The following NUP210L variants were observed in gnomAD, a reference collection of about 807,000 sequenced individuals.
NUP210L encodes the protein nuclear pore membrane glycoprotein 210-like.
In NUP210L, 74 loss-of-function variants were observed where a neutral mutation model predicts 208.5. The observed-to-expected ratio is 0.35, with a 90% CI of 0.29 to 0.43. The LOEUF (loss-of-function observed/expected upper bound fraction) is 0.43. Among genes scored for constraint, NUP210L ranks in the 20% least tolerant of loss-of-function variants. NUP210L has a pLI of 1.00. For synonymous variants in NUP210L, 780 were observed against 816.9 expected (o/e 0.95, Z 0.77); for missense variants, 1,843 against 2,289.4 (o/e 0.81, Z 3.98).
intron 33 of NUP210L, among the ~76,000 whole-genome samples, chr1:154,016,721 A>G (rs1224279331): frequency 2.0e-5 from 3 of 152,224 alleles, no homozygotes; most frequent in Non-Finnish European, 4.4e-5. Context: ...AGGCAGGCCT[A>G]TCACTTGGGC....
chr1:154,053,175 C>T (rs1653621151), intron 25 of NUP210L, among the ~76,000 whole-genome samples: 1 of 152,232 alleles, frequency 6.6e-6, no homozygotes, highest in Non-Finnish European at 1.5e-5. Flanking sequence ...ATCCCAGACA[C>T]ACCTGACCTT....
chr1:154,071,459 G>C (rs1472877985), intron 16 of NUP210L, among the ~76,000 whole-genome samples: 2 of 145,114 alleles, frequency 1.4e-5, no homozygotes, highest in East Asian at 4.1e-4. Flanking sequence ...CCTTTCCCCC[G>C]AGTCCCCAAA....
chr1:153,997,597 G>A (rs578151271), intron 37 of NUP210L, among the ~76,000 whole-genome samples: 31 of 150,956 alleles, frequency 2.1e-4, no homozygotes, highest in South Asian at 1.9e-3. Context: ...TTTCAGAGTA[G>A]CTAGGACTGC....
At chr1:154,100,332 T>A (rs1367648030) in intron 13 of NUP210L, among the ~76,000 whole-genome samples, 189 bp from the exon 14 acceptor site, 1 of 150,888 alleles carries the variant, frequency 6.6e-6, no homozygotes, top group African/African-American at 2.4e-5. Context: ...GCACCTGTAG[T>A]CCCAGTTACT....
chr1:154,031,581 G>A (rs1402213264), intron 27 of NUP210L, among the ~76,000 whole-genome samples: 1 of 117,078 alleles, frequency 8.5e-6, no homozygotes, highest in African/African-American at 3.3e-5. Context: ...CTGTCTCCAT[G>A]AGTTCAATTG....
At chr1:154,114,559 C>G (rs1180994446) in intron 12 of NUP210L, among the ~76,000 whole-genome samples, 1 of 152,076 alleles carries the variant, frequency 6.6e-6, no homozygotes. Flanking sequence ...GTGAATTACG[C>G]TAAATGTATC....
At chr1:154,103,444 G>A (rs1242888087) in intron 13 of NUP210L, among the ~76,000 whole-genome samples, 17 of 150,562 alleles carry the variant, frequency 1.1e-4, no homozygotes, top group African/African-American at 3.7e-4. Context: ...AGGCCGAGGC[G>A]GGCGGATCAC....
At chr1:154,041,290 G>A (rs576238758) in intron 27 of NUP210L, among the ~76,000 whole-genome samples, 2 of 151,988 alleles carry the variant, frequency 1.3e-5, no homozygotes, top group Admixed American at 6.6e-5. Flanking sequence ...TCCTATCCCA[G>A]TTTCTACTGT....
In NUP210L at chr1:154,072,601, G is replaced by T. The variant is rs545999455; in HGVS notation, c.2362-2136C>A. Among the ~76,000 whole-genome samples, 4 of 151,934 alleles carry T rather than the reference G, an allele frequency of 2.6e-5. No individual in the cohort carries two copies. In the South Asian group the frequency reaches 8.3e-4, roughly 32 times the overall value. Reference sequence around the variant, plus strand: ...CCCGCCTTGACCTCCCAAAGTGTTGGGATTACAGGCGTGAGCCACCGCGCC... The same window carrying T: ...CCCGCCTTGACCTCCCAAAGTGTTGTGATTACAGGCGTGAGCCACCGCGCC... On this transcript the variant is annotated intron_variant, in intron 16 of 39. Transcript: ENST00000368559.
chr1:154,103,111 T>C (rs1164309850), intron 13 of NUP210L, among the ~76,000 whole-genome samples: 2 of 150,282 alleles, frequency 1.3e-5, no homozygotes, highest in East Asian at 3.9e-4. Flanking sequence ...AAATAAAAAC[T>C]GGCTGGGCGC....
Position 154,055,145 on chromosome 1 carries a change from T to TTTC in NUP210L, c.3241-314_3241-313insGAA, listed in dbSNP as rs1305550856. Among the ~76,000 whole-genome samples the TTTC allele has an allele frequency of 9.1e-3, 952 of 104,512 alleles. 9 individuals are homozygous for TTTC. The highest frequency in any genetic ancestry group is 0.022 in the East Asian group (85 of 3,862). The allele number at this position is 104,512 out of a possible 152,430, so 68.6% of individuals were successfully genotyped here. ...TTCTTTTCTTTCTTTCTTTCTTTCT[T>TTTC]TCTTTCTTTCTTTCTTTCTTTCTTT... On this transcript the variant is annotated intron_variant, in intron 23 of 39. Coordinates refer to ENST00000368559, the Ensembl canonical transcript of NUP210L.
At chr1:154,053,359 T>C (rs1161714772) in intron 25 of NUP210L, among the ~76,000 whole-genome samples, 1 of 152,234 alleles carries the variant, frequency 6.6e-6, no homozygotes, top group Admixed American at 6.5e-5. Flanking sequence ...CTGAGAGAAG[T>C]AGCTCACCAT....
At chr1:154,129,375 GC>G in intron 7 of NUP210L, 30 bp from the exon 8 acceptor site, 1 of 1,439,000 alleles carries the variant, frequency 6.9e-7, no homozygotes, top group Non-Finnish European at 9.7e-7. Context: ...AATCATGTGA[GC>G]CAGAGTTGGG....
chr1:153,994,080 G>A (rs945415908), intron 38 of NUP210L, among the ~76,000 whole-genome samples: 1 of 152,098 alleles, frequency 6.6e-6, no homozygotes, highest in South Asian at 2.1e-4. Context: ...GAGTCTCTCT[G>A]TGTTGCCCAG....
At chr1:154,137,677 T>A (rs1571318491) in intron 6 of NUP210L, among the ~76,000 whole-genome samples, 1 of 152,198 alleles carries the variant, frequency 6.6e-6, no homozygotes, top group East Asian at 1.9e-4. Flanking sequence ...ATCATGCCAC[T>A]GTACTACAAC....
Position 154,104,317 on chromosome 1 carries a change from C to T in NUP210L, c.1621-107G>A, listed in dbSNP as rs1656635426. 4 of 800,882 alleles carry T rather than the reference C, an allele frequency of 5.0e-6. No homozygotes were observed. The African/African-American group carries it at 6.9e-5, about 14-fold the overall frequency. The allele number at this position is 800,882 out of a possible 1,614,324, so 49.6% of individuals were successfully genotyped here. A position where few individuals can be genotyped will look rare whatever the true frequency, so the allele number is the denominator to read the frequency against. ...AACCCTCCAGTGATTGTCCTCCCTG[C>T]AGGAACACCAAATTGAATGACTATC... On this transcript the variant is annotated intron_variant, in intron 12 of 39. Transcript: ENST00000368559.
intron 16 of NUP210L, among the ~76,000 whole-genome samples, chr1:154,088,140 C>G (rs1242001655): frequency 6.6e-6 from 1 of 152,074 alleles, no homozygotes; most frequent in Non-Finnish European, 1.5e-5. Flanking sequence ...GAGTTCGAGA[C>G]CAGCCTGGGC....
At chr1:154,100,963 G>A (rs947189933) in intron 13 of NUP210L, among the ~76,000 whole-genome samples, 24 of 150,896 alleles carry the variant, frequency 1.6e-4, no homozygotes, top group Non-Finnish European at 2.5e-4. Flanking sequence ...ACCTGAGCTC[G>A]GGAGTTCGAG....
At chr1:154,014,594 T>C (rs1276168501) in intron 33 of NUP210L, among the ~76,000 whole-genome samples, 15 of 152,232 alleles carry the variant, frequency 9.9e-5, no homozygotes. Context: ...TACTTTTATT[T>C]GCCTATTGTA....
Sources: allele counts gnomAD v4.1 joint callset (sites outside exome capture counted in the v4.1 genomes callset), GRCh38; gene constraint gnomAD v4.1.1; transcripts MANE v1.5; gene names NCBI Gene and HGNC (gene_info 2026-07-23, HGNC 2026-07-21).